Variants in NSD3 observed in about 807,000 individuals in gnomAD.
NSD3 encodes the protein histone-lysine N-methyltransferase NSD3.
A neutral mutation model predicts 160.8 loss-of-function variants in NSD3; 24 were observed. The ratio of observed to expected loss-of-function variants is 0.15; its 90% CI spans 0.11 to 0.21. The LOEUF is 0.21. NSD3 is among the 10% of genes least tolerant of loss of function. The pLI, the probability that NSD3 is intolerant of heterozygous loss-of-function variation, is 1.00. For missense variants in NSD3, 1,157 were observed against 1,735.9 expected, an observed-to-expected ratio of 0.67 and a Z score of 5.93; for synonymous variants, 520 against 600.0, an observed-to-expected ratio of 0.87 and a Z score of 1.95.
chr8:38,360,902 T>C (rs889001263), intron 1 of NSD3, among the ~76,000 whole-genome samples: 5 of 152,242 alleles, frequency 3.3e-5, no homozygotes, highest in Admixed American at 3.3e-4. Context: ...TCCATCTATA[T>C]ATAATAAACT....
At chr8:38,342,329 A>T (rs764651101) in intron 2 of NSD3, among the ~76,000 whole-genome samples, 2 of 152,214 alleles carry the variant, frequency 1.3e-5, no homozygotes, top group African/African-American at 2.4e-5. Flanking sequence ...AGGGACAGAG[A>T]TACCCTCTTT....
chr8:38,375,697 T>C (rs1323188176), intron 1 of NSD3, among the ~76,000 whole-genome samples: 2 of 151,862 alleles, frequency 1.3e-5, no homozygotes, highest in East Asian at 3.9e-4. Context: ...CATAAAAAGA[T>C]TGGCCTGCAG....
intron 4 of NSD3, among the ~76,000 whole-genome samples, chr8:38,334,298 G>C (rs1810151364): frequency 6.6e-6 from 1 of 152,196 alleles, no homozygotes; most frequent in African/African-American, 2.4e-5. Flanking sequence ...AGTCTACAGA[G>C]ACAGAAAGTA....
chr8:38,341,174 G>A (rs757611339), intron 2 of NSD3, among the ~76,000 whole-genome samples: 5 of 152,070 alleles, frequency 3.3e-5, no homozygotes, highest in Non-Finnish European at 5.9e-5. Context: ...GCTAGGAAGA[G>A]AAAGATAAAT....
At chr8:38,292,511 G>A (rs1279781886) in intron 16 of NSD3, among the ~76,000 whole-genome samples, 2 of 151,760 alleles carry the variant, frequency 1.3e-5, no homozygotes, top group South Asian at 2.1e-4. Context: ...GGCCAGGCAC[G>A]GTGTCTCACG....
At chr8:38,380,233 C>T (rs1204807504) in intron 1 of NSD3, among the ~76,000 whole-genome samples, 2 of 152,094 alleles carry the variant, frequency 1.3e-5, no homozygotes, top group Non-Finnish European at 2.9e-5. Flanking sequence ...TCACTTAACA[C>T]GCTCATCACC....
At chr8:38,341,625 G>A (rs1340118560) in intron 2 of NSD3, among the ~76,000 whole-genome samples, 1 of 152,036 alleles carries the variant, frequency 6.6e-6, no homozygotes, top group East Asian at 1.9e-4. Context: ...CATTCCAGGA[G>A]GAAGGAGTAG....
chr8:38,294,584 A>G (rs1243129268), intron 16 of NSD3, among the ~76,000 whole-genome samples: 1 of 152,224 alleles, frequency 6.6e-6, no homozygotes, highest in Non-Finnish European at 1.5e-5. Context: ...TAGGGCTAAA[A>G]TGGACGAGAT....
chr8:38,368,835 C>G (rs1811169693), intron 1 of NSD3, among the ~76,000 whole-genome samples: 1 of 152,192 alleles, frequency 6.6e-6, no homozygotes, highest in Admixed American at 6.5e-5. Context: ...CTACAAACAA[C>G]TTTCATCAGT....
intron 2 of NSD3, among the ~76,000 whole-genome samples, chr8:38,346,210 A>G (rs762938895): frequency 1.3e-5 from 2 of 148,922 alleles, no homozygotes; most frequent in Non-Finnish European, 3.0e-5. Flanking sequence ...ATACCTATGT[A>G]TTATGTATAT....
At chr8:38,370,238 A>G (rs907476627) in intron 1 of NSD3, among the ~76,000 whole-genome samples, 2 of 152,234 alleles carry the variant, frequency 1.3e-5, no homozygotes, top group African/African-American at 4.8e-5. Context: ...TAAGTTTGCT[A>G]CAGTTAACTG....
In NSD3 at chr8:38,329,576, T is replaced by C. The variant is rs765605270; in HGVS notation, c.1383A>G (p.Glu461=). ...SQRRHTSAEE[E]EPPPVKIAWK... is the part of the protein sequence containing the mutation. ...AGGCTATTTTAACAGGCGGTGGCTC[T>C]TCCTCTTCCGCACTTGTGTGCCGCC... Residue 461 remains glutamate (E), a synonymous_variant, in exon 6 of 24, where the codon GAA becomes GAG. Coordinates refer to ENST00000317025, the MANE Select transcript of NSD3 (RefSeq NM_023034.2). This position sits in a 1 kb window ranked among gnomAD's most constrained non-coding sequence, Gnocchi z 4.8. The C allele has an allele frequency of 1.9e-5, 30 of 1,614,118 alleles. No homozygotes were observed. Among genetic ancestry groups the C allele is most frequent in the Middle Eastern group, 3.3e-4 (2 of 6,084 alleles).
At chr8:38,363,496 G>A (rs1490819290) in intron 1 of NSD3, among the ~76,000 whole-genome samples, 1 of 151,992 alleles carries the variant, frequency 6.6e-6, no homozygotes, top group African/African-American at 2.4e-5. Flanking sequence ...ACAAAAACTA[G>A]CTGGGCATGG....
At chr8:38,332,026 C>T (rs1366924847) in intron 4 of NSD3, among the ~76,000 whole-genome samples, 3 of 152,248 alleles carry the variant, frequency 2.0e-5, no homozygotes, top group African/African-American at 7.2e-5. Context: ...CTCCTGGGCT[C>T]AGGCAATCCT....
At chr8:38,289,262 T>G in intron 18 of NSD3, 131 bp downstream of exon 18, 1 of 844,444 alleles carries the variant, frequency 1.2e-6, no homozygotes. Flanking sequence ...TTTGCACAAG[T>G]CAAAGAGGGT....
chr8:38,299,297 A>G, intron 15 of NSD3, 147 bp downstream of exon 15: 1 of 725,856 alleles, frequency 1.4e-6, no homozygotes, highest in Non-Finnish European at 2.1e-6. Flanking sequence ...TTGTGCAGCC[A>G]TATGAAGAAA....
chr8:38,375,981 T>G (rs905637303), intron 1 of NSD3, among the ~76,000 whole-genome samples: 3 of 152,090 alleles, frequency 2.0e-5, no homozygotes, highest in African/African-American at 7.2e-5. Context: ...TAACCCATTT[T>G]CTTCTTGATA....
rs1809720236 is a variant in NSD3 at position 38,318,428 on chromosome 8, C to A, written c.1855+467G>T. On this transcript the variant is annotated intron_variant, in intron 9 of 23. Coordinates refer to ENST00000317025, the MANE Select transcript of NSD3 (RefSeq NM_023034.2). This position sits in a 1 kb window ranked among gnomAD's most constrained non-coding sequence, Gnocchi z 5.3. ...GGTCATCTAATAGTGGCCATAAATG[C>A]TATGAATCATTTTAATTTACAAAAA... 6.6e-6 allele frequency among the ~76,000 whole-genome samples: 1 copy of A among 152,118 alleles called. No homozygotes were observed. The highest frequency in any genetic ancestry group is 1.5e-5 in the Non-Finnish European group (1 of 68,024).
chr8:38,311,771 C>A (rs987682674), intron 12 of NSD3, among the ~76,000 whole-genome samples: 2 of 152,128 alleles, frequency 1.3e-5, no homozygotes, highest in Non-Finnish European at 2.9e-5. Flanking sequence ...CTTTGGTGTA[C>A]AAAAGTTTTT....
Sources: allele counts gnomAD v4.1 joint callset (sites outside exome capture counted in the v4.1 genomes callset), GRCh38; gene constraint gnomAD v4.1.1; non-coding constraint Gnocchi (gnomAD v3.1); transcripts MANE v1.5; gene names NCBI Gene and HGNC (gene_info 2026-07-23, HGNC 2026-07-21).